NEXMIF: variants seen among roughly 807,000 people sequenced by gnomAD.
NEXMIF encodes the protein XLMR protein related to neurite extension.
A neutral mutation model predicts 62.1 loss-of-function variants in NEXMIF; 8 were observed. That is an observed-to-expected ratio of 0.13 (90% CI 0.08 to 0.23). The LOEUF (loss-of-function observed/expected upper bound fraction) is 0.23, where lower values mean the gene tolerates loss of function less well. NEXMIF is among the 10% of genes least tolerant of loss of function. NEXMIF has a pLI of 1.00. For missense variants in NEXMIF, 976 were observed against 1,113.3 expected (o/e 0.88, Z 1.75); for synonymous variants, 404 against 416.6 (o/e 0.97, Z 0.37).
At chrX:74,818,108 A>T (rs946747196) in intron 1 of NEXMIF, among the ~76,000 whole-genome samples, 1 of 109,276 alleles carries the variant, frequency 9.2e-6, no homozygotes, top group Non-Finnish European at 1.9e-5. Flanking sequence ...AAAAAATTAT[A>T]AAAAAAATTA....
chrX:74,841,699 A>C (rs1321423358), intron 1 of NEXMIF, among the ~76,000 whole-genome samples: 1 of 111,857 alleles, frequency 8.9e-6, no homozygotes, highest in Non-Finnish European at 1.9e-5. Flanking sequence ...CGGATGTTGA[A>C]TTTTATCAAA....
chrX:74,781,770 T>C (rs1009602198), intron 1 of NEXMIF, among the ~76,000 whole-genome samples: 1 of 87,627 alleles, frequency 1.1e-5, no homozygotes, highest in African/African-American at 3.6e-5. Flanking sequence ...CTTACCAGGA[T>C]GTGGTGTAGC....
intron 1 of NEXMIF, among the ~76,000 whole-genome samples, chrX:74,788,373 G>A (rs1267583702): frequency 1.8e-5 from 2 of 111,256 alleles, no homozygotes; most frequent in Non-Finnish European, 3.8e-5. Flanking sequence ...ATTCATATTT[G>A]TATGATGTTA....
At chrX:74,830,338 T>C (rs1285441871) in intron 1 of NEXMIF, among the ~76,000 whole-genome samples, 1 of 111,909 alleles carries the variant, frequency 8.9e-6, no homozygotes, top group Non-Finnish European at 1.9e-5. Context: ...CTTGGCATCT[T>C]TGTCGAACAC....
chrX:74,809,927 G>A (rs991581381), intron 1 of NEXMIF, among the ~76,000 whole-genome samples: 2 of 111,565 alleles, frequency 1.8e-5, no homozygotes, highest in Admixed American at 9.6e-5. Context: ...AGTGGAACCC[G>A]GGAAACTCAA....
intron 1 of NEXMIF, among the ~76,000 whole-genome samples, chrX:74,799,917 T>C (rs2080324388): frequency 1.8e-5 from 2 of 111,346 alleles, no homozygotes; most frequent in South Asian, 7.7e-4. Flanking sequence ...ACTCATAGTA[T>C]TGAAGGGAGA....
At chrX:74,865,137 T>C (rs895594436) in intron 1 of NEXMIF, among the ~76,000 whole-genome samples, 6 of 111,747 alleles carry the variant, frequency 5.4e-5, no homozygotes, top group South Asian at 7.4e-4. Context: ...TAAGTAGAGG[T>C]TGGAACAGTT....
intron 1 of NEXMIF, among the ~76,000 whole-genome samples, chrX:74,796,229 A>AC (rs1406436781): frequency 4.9e-5 from 3 of 60,624 alleles, no homozygotes; most frequent in East Asian, 8.1e-4. Flanking sequence ...ATACATATAT[A>AC]ATATATATAT....
rs1025569572 is a variant in NEXMIF, at chrX:74,853,189, A to G, written c.-48+71694T>C. Among the ~76,000 whole-genome samples the G allele has an allele frequency of 3.6e-5, 4 of 109,869 alleles. No homozygotes were observed. In the Admixed American group the frequency reaches 3.9e-4, roughly 11 times the overall value. The stretch of plus-strand genomic sequence containing the variant: ...GAAGAAAGAGAAAAAAAGCTTCCTC[A>G]TGCTGAAAAAGTGGGTCGCCCAAAA... On this transcript the variant is annotated intron_variant, in intron 1 of 3. Transcript: ENST00000055682.
rs201911008 is a variant in NEXMIF, at chrX:74,803,877, CA to C, written c.-47-58181del. Among the ~76,000 whole-genome samples, 583 of 111,450 alleles carry C rather than the reference CA, an allele frequency of 5.2e-3. 17 individuals are homozygous for C. The East Asian group carries it at 0.13, about 24-fold the overall frequency. ...ACAAACAAAAGCTGAGGAATTTCAT[CA>C]ACACCAGATTTCTCCTACAAGAAAT... is the stretch of plus-strand genomic sequence containing the variant. On this transcript the variant is annotated intron_variant, in intron 1 of 3. Coordinates refer to ENST00000055682, the MANE Select transcript of NEXMIF (RefSeq NM_001008537.3).
At chrX:74,811,765 T>C (rs1326549833) in intron 1 of NEXMIF, among the ~76,000 whole-genome samples, 1 of 112,691 alleles carries the variant, frequency 8.9e-6, no homozygotes, top group Non-Finnish European at 1.9e-5. Context: ...AGTTGCATCA[T>C]AAAACTAGGT....
intron 1 of NEXMIF, among the ~76,000 whole-genome samples, chrX:74,882,549 C>G (rs6647557): frequency 0.14 from 15,677 of 110,745 alleles, 1,742 homozygotes; most frequent in East Asian, 0.9. Context: ...TCACTCATTG[C>G]TAGCACAGCA....
intron 1 of NEXMIF, among the ~76,000 whole-genome samples, chrX:74,896,527 T>A (rs752041291): frequency 8.9e-6 from 1 of 112,384 alleles, no homozygotes; most frequent in East Asian, 2.8e-4. Context: ...GGTTTTAAGA[T>A]TGAAGGAGTG....
In NEXMIF at chrX:74,743,616, T is replaced by C. The variant is rs1241558000; in HGVS notation, c.941A>G (p.Tyr314Cys). ...TCGAACATTGTCCTGAAAGGATTCA[T>C]ATCGAATTTTCAGGGAGCAGACATC... ...GSDVCSLKIR[Y>C]ESFQDNVRDK... Residue 314 changes from tyrosine to cysteine, a missense_variant, in exon 3 of 4, where the codon TAT becomes TGT. By Grantham distance (194) the Tyr-to-Cys change is radical (BLOSUM62 -2). Around this residue, in one of 5 missense-constraint regions of NEXMIF, gnomAD observed 45 missense variants for 86.8 expected, o/e 0.52. Transcript: ENST00000055682. 1.7e-6 allele frequency: 2 copies of C among 1,209,873 alleles called. No homozygotes were observed. The highest frequency in any genetic ancestry group is 2.2e-6 in the Non-Finnish European group (2 of 895,166).
chrX:74,739,348 C>T lies in NEXMIF; in HGVS notation c.*57G>A. ...AATTTAAAATTCTTTTCTTTAAGCACTTACATGTCAACATACATACCACAA... is the reference window on the plus strand; with the variant it reads ...AATTTAAAATTCTTTTCTTTAAGCATTTACATGTCAACATACATACCACAA... On this transcript the variant is annotated 3_prime_UTR_variant, in exon 4 of 4. Coordinates refer to ENST00000055682, the MANE Select transcript of NEXMIF (RefSeq NM_001008537.3). 12 of 834,317 alleles carry T rather than the reference C, an allele frequency of 1.4e-5. No individual in the cohort carries two copies. Among genetic ancestry groups the T allele is most frequent in the Non-Finnish European group, 2.0e-5 (12 of 589,009 alleles). 68.8% of individuals were successfully genotyped at this position (834,317 alleles called of 1,213,427 possible).
intron 1 of NEXMIF, among the ~76,000 whole-genome samples, chrX:74,903,550 A>C (rs745354254): frequency 8.9e-6 from 1 of 111,805 alleles, no homozygotes; most frequent in Non-Finnish European, 1.9e-5. Flanking sequence ...AGAGAATCAA[A>C]GGTGGCAAGG....
chrX:74,747,852 G>A (rs187409517), intron 1 of NEXMIF, among the ~76,000 whole-genome samples: 2 of 111,891 alleles, frequency 1.8e-5, no homozygotes, highest in Non-Finnish European at 3.8e-5. Context: ...CTGATCTCAA[G>A]CGATCCAACT....
intron 1 of NEXMIF, among the ~76,000 whole-genome samples, chrX:74,882,489 A>G (rs1389916465): frequency 8.9e-6 from 1 of 112,368 alleles, no homozygotes; most frequent in East Asian, 2.8e-4. Flanking sequence ...ACAGCACACC[A>G]GGAGATTATA....
intron 1 of NEXMIF, among the ~76,000 whole-genome samples, chrX:74,750,970 G>A (rs761253069): frequency 8.9e-6 from 1 of 111,744 alleles, no homozygotes; most frequent in Non-Finnish European, 1.9e-5. Flanking sequence ...GTTCACACCT[G>A]TAATCCTAGC....
Sources: allele counts gnomAD v4.1 joint callset (sites outside exome capture counted in the v4.1 genomes callset), GRCh38; gene constraint gnomAD v4.1.1; regional missense constraint gnomAD v4.1.1; transcripts MANE v1.5; gene names NCBI Gene and HGNC (gene_info 2026-07-23, HGNC 2026-07-21).